Variants in ZNF93 observed in about 807,000 individuals in gnomAD.
ZNF93 encodes the protein zinc finger protein 93, also known as zinc finger protein 505.
In ZNF93, 29 loss-of-function variants were observed where a neutral mutation model predicts 45.0. That is an observed-to-expected ratio of 0.64 (90% CI 0.48 to 0.88). ZNF93 has a LOEUF of 0.88. Among genes scored for constraint, ZNF93 ranks in the 40% least tolerant of loss-of-function variants. The pLI is 0.00. For synonymous variants in ZNF93, 223 were observed against 244.6 expected (o/e 0.91, Z 0.82); for missense variants, 578 against 724.0 (o/e 0.80, Z 2.31).
At chr19:19,904,964 C>G (rs917081091) in intron 1 of ZNF93, among the ~76,000 whole-genome samples, 10 of 151,398 alleles carry the variant, frequency 6.6e-5, no homozygotes, top group Non-Finnish European at 8.8e-5. Flanking sequence ...CATTTTTGAT[C>G]TGTGTTTTTT....
rs2122198753 is a variant in ZNF93, at chr19:19,933,027, TG to T, written c.227-154del. 5.2e-6 allele frequency: 3 copies of T among 578,040 alleles called. No homozygotes were observed. The Admixed American group carries it at 1.2e-4, about 24-fold the overall frequency. 35.8% of individuals were successfully genotyped at this position (578,040 alleles called of 1,614,324 possible). On this transcript the variant is annotated intron_variant, in intron 3 of 3. Coordinates refer to ENST00000343769, the MANE Select transcript of ZNF93 (RefSeq NM_031218.4). ...TGTGCCATTTTGGTTTGTATGTTTT[TG>T]TTACATTTATATGTTCAGGAAGACA...
chr19:19,924,118 A>C (rs1163033204), intron 3 of ZNF93, among the ~76,000 whole-genome samples: 1 of 151,558 alleles, frequency 6.6e-6, no homozygotes, highest in East Asian at 1.9e-4. Flanking sequence ...GTGGGATTTC[A>C]GTCTTGTTGC....
At chr19:19,916,235 G>A (rs2063323229) in intron 2 of ZNF93, among the ~76,000 whole-genome samples, 1 of 151,736 alleles carries the variant, frequency 6.6e-6, no homozygotes, top group Admixed American at 6.6e-5. Context: ...CTCTGCTAAT[G>A]TTTGTATTTT....
At chr19:19,924,362 A>G (rs1332260765) in intron 3 of ZNF93, among the ~76,000 whole-genome samples, 1 of 152,076 alleles carries the variant, frequency 6.6e-6, no homozygotes, top group Non-Finnish European at 1.5e-5. Flanking sequence ...AAGTGCTGGG[A>G]TTACAGCCGT....
Position 19,901,065 on chromosome 19 carries a change from A to G in ZNF93, c.-24A>G, listed in dbSNP as rs768572259. 1.2e-6 allele frequency: 2 copies of G among 1,612,866 alleles called. No individual in the cohort carries two copies. The highest frequency in any genetic ancestry group is 1.7e-6 in the Non-Finnish European group (2 of 1,179,372). On this transcript the variant is annotated 5_prime_UTR_variant, in exon 1 of 4. Coordinates refer to ENST00000343769, the MANE Select transcript of ZNF93 (RefSeq NM_031218.4). ...GTATTGGGAGATCCACAGCTAAGAC[A>G]CCAGGACCCCTGGAAGCCTAGAAAT...
rs746422911 is a variant in ZNF93, at chr19:19,915,301, G to A, written c.25G>A (p.Val9Met). 1.9e-6 allele frequency: 3 copies of A among 1,614,006 alleles called. No individual in the cohort carries two copies. The Admixed American group carries it at 5.0e-5, about 27-fold the overall frequency. ...TCAGGGACCATTGCAATTTAGAGATGTGGCCATAGAATTCTCTCTGGAGGA... is the reference window on the plus strand; with the variant it reads ...TCAGGGACCATTGCAATTTAGAGATATGGCCATAGAATTCTCTCTGGAGGA... MGPLQFRD[V>M]AIEFSLEEWH... Residue 9 changes from valine to methionine, a missense_variant, in exon 2 of 4, where the codon GTG (valine) becomes ATG (methionine). Physicochemically the swap from Val to Met is conservative, Grantham distance 21. Around this residue, in one of 3 missense-constraint regions of ZNF93, gnomAD observed 446 missense variants for 547.6 expected, o/e 0.81. Transcript: ENST00000343769.
chr19:19,921,680 C>T (rs1599570739), intron 3 of ZNF93, among the ~76,000 whole-genome samples: 2 of 151,898 alleles, frequency 1.3e-5, no homozygotes, highest in East Asian at 3.8e-4. Context: ...TTGAATTGAT[C>T]CCTTTACCAT....
At position 19,901,012 on chromosome 19, in the gene ZNF93, C is replaced by T. The variant is rs2063268576; in HGVS notation, c.-77C>T. The stretch of plus-strand genomic sequence containing the variant: ...CTCTGTGTCCTGTGCTCCTACAGGC[C>T]CAGCCTCTGTGGCCCTGTGACCTGC... On this transcript the variant is annotated 5_prime_UTR_variant, in exon 1 of 4. Transcript: ENST00000343769. 6.3e-7 allele frequency: 1 copy of T among 1,597,644 alleles called. No homozygotes were observed.
chr19:19,914,885 G>A (rs867735091), intron 1 of ZNF93: 7 of 323,458 alleles, frequency 2.2e-5, no homozygotes, highest in Non-Finnish European at 2.9e-5. Flanking sequence ...AAAAACCCCC[G>A]CATAACAAGG....
At chr19:19,909,295 C>T (rs1055052975) in intron 1 of ZNF93, 1 of 152,208 alleles carries the variant, frequency 6.6e-6, no homozygotes, top group African/African-American at 2.4e-5. Context: ...AGTGCTGTAG[C>T]CCAGTGCCAG....
At chr19:19,928,048 G>A (rs1331894920) in intron 3 of ZNF93, among the ~76,000 whole-genome samples, 1 of 152,100 alleles carries the variant, frequency 6.6e-6, no homozygotes, top group African/African-American at 2.4e-5. Context: ...CACCTGGCCT[G>A]TGTTAACATG....
In ZNF93 at chr19:19,902,269, T is replaced by C. The variant is rs1246006002; in HGVS notation, c.3+1178T>C. On this transcript the variant is annotated intron_variant, in intron 1 of 3. Coordinates refer to ENST00000343769, the MANE Select transcript of ZNF93 (RefSeq NM_031218.4). ...AAGCCTAAAACAGAAGGTTTTTTTT[T>C]TGGACAGAGTTTTGCGTTTTGCTCT... Among the ~76,000 whole-genome samples, 4 of 152,058 alleles carry C rather than the reference T, an allele frequency of 2.6e-5. No individual in the cohort carries two copies. In the East Asian group the frequency reaches 7.7e-4, roughly 29 times the overall value.
chr19:19,923,861 T>C (rs1019671722), intron 3 of ZNF93, among the ~76,000 whole-genome samples: 7 of 152,202 alleles, frequency 4.6e-5, no homozygotes, highest in African/African-American at 1.4e-4. Context: ...TCCCTTGCAC[T>C]TCCCAGGTGA....
intron 3 of ZNF93, among the ~76,000 whole-genome samples, chr19:19,918,624 A>C (rs1378844946): frequency 3.3e-5 from 5 of 152,070 alleles, no homozygotes; most frequent in African/African-American, 1.2e-4. Flanking sequence ...TTGTTTCCTG[A>C]CTTTTTAATG....
chr19:19,905,138 C>G (rs545053846), intron 1 of ZNF93, among the ~76,000 whole-genome samples: 27 of 151,820 alleles, frequency 1.8e-4, no homozygotes, highest in African/African-American at 6.3e-4. Context: ...TACAGCCCCA[C>G]TTGGGCCACT....
chr19:19,916,065 T>C (rs2063322671), intron 2 of ZNF93, among the ~76,000 whole-genome samples: 1 of 142,236 alleles, frequency 7.0e-6, no homozygotes, highest in Non-Finnish European at 1.5e-5. Flanking sequence ...GTATTTTCTT[T>C]TTCCTTTTTT....
At chr19:19,922,855 G>A (rs1050020263) in intron 3 of ZNF93, among the ~76,000 whole-genome samples, 4 of 152,054 alleles carry the variant, frequency 2.6e-5, no homozygotes, top group Non-Finnish European at 5.9e-5. Flanking sequence ...TTTTTTCAAG[G>A]TTTTTAACTT....
chr19:19,903,045 A>G (rs942262018), intron 1 of ZNF93, among the ~76,000 whole-genome samples: 15 of 152,142 alleles, frequency 9.9e-5, no homozygotes, highest in African/African-American at 3.4e-4. Context: ...GGCCTTTGGG[A>G]GGATCTTACT....
Position 19,934,129 on chromosome 19 carries a change from A to G in ZNF93, c.1174A>G (p.Thr392Ala), listed in dbSNP as rs1475361870. The G allele has an allele frequency of 6.2e-7, 1 of 1,610,866 alleles. No homozygotes were observed. The highest frequency in any genetic ancestry group is 8.5e-7 in the Non-Finnish European group (1 of 1,178,954). Residue 392 changes from threonine to alanine, a missense_variant, in exon 4 of 4, where the codon ACT becomes GCT. Physicochemically the swap from Thr to Ala is moderately conservative, Grantham distance 58. This residue lies in a region of ZNF93 where 446 missense variants were observed against 547.6 expected (regional missense o/e 0.81). Coordinates refer to ENST00000343769, the MANE Select transcript of ZNF93 (RefSeq NM_031218.4). ...CCTAACTAGACATAAGAGAGTTCAT[A>G]CTGGAGAGAAGCCCTACAAATGTGA... The part of the protein sequence containing the change: ...SVLTRHKRVH[T>A]GEKPYKCEEC...
Sources: allele counts gnomAD v4.1 joint callset (sites outside exome capture counted in the v4.1 genomes callset), GRCh38; gene constraint gnomAD v4.1.1; regional missense constraint gnomAD v4.1.1; transcripts MANE v1.5; gene names NCBI Gene and HGNC (gene_info 2026-07-23, HGNC 2026-07-21).